GVQW3: variants seen among roughly 807,000 people sequenced by gnomAD.
GVQW3 encodes protein GVQW3.
In GVQW3, 7 loss-of-function variants were observed where a neutral mutation model predicts 12.5. That is an observed-to-expected ratio of 0.56 (90% CI 0.32 to 1.05). The LOEUF (loss-of-function observed/expected upper bound fraction) is 1.05. GVQW3 is among the 50% of genes least tolerant of loss of function. GVQW3 has a pLI of 0.04. For missense variants in GVQW3, 188 were observed against 190.8 expected (o/e 0.99, Z 0.09); for synonymous variants, 71 against 67.2 (o/e 1.06, Z -0.28).
At chr11:76,396,783 C>T (rs1946943609) in intron 1 of GVQW3, among the ~76,000 whole-genome samples, 1 of 152,144 alleles carries the variant, frequency 6.6e-6, no homozygotes, top group Admixed American at 6.5e-5. Context: ...GAACAGATTA[C>T]AGCATTCCAC....
In GVQW3 at chr11:76,385,618, GT is replaced by G. The variant is rs547149635; in HGVS notation, c.465+3329del. ...TCCTTGTATTGACCTTTGGGTCATGGTTTTCCACTTAACTTACAACTCTTCT... is the reference window on the plus strand; with the variant it reads ...TCCTTGTATTGACCTTTGGGTCATGGTTTCCACTTAACTTACAACTCTTCT... On this transcript the variant is annotated intron_variant, in intron 1 of 1. Transcript: ENST00000529331. 5.0e-4 allele frequency among the ~76,000 whole-genome samples: 76 copies of G among 152,262 alleles called. No individual in the cohort carries two copies. In the East Asian group the frequency reaches 0.014, roughly 27 times the overall value.
At chr11:76,400,656 G>A (rs994756579) in intron 1 of GVQW3, among the ~76,000 whole-genome samples, 6 of 152,102 alleles carry the variant, frequency 3.9e-5, no homozygotes, top group African/African-American at 1.4e-4. Flanking sequence ...CTGACCTCAG[G>A]TGATCCGCCC....
At chr11:76,403,632 A>G (rs1279748652) in intron 1 of GVQW3, 28 bp from the exon 2 acceptor site, 1 of 447,020 alleles carries the variant, frequency 2.2e-6, no homozygotes, top group Admixed American at 4.0e-5. Context: ...ACCATGCCCA[A>G]ATAATTTTTT....
At chr11:76,384,232 A>G (rs1946808369) in intron 1 of GVQW3, among the ~76,000 whole-genome samples, 2 of 152,236 alleles carry the variant, frequency 1.3e-5, no homozygotes, top group Admixed American at 6.5e-5. Flanking sequence ...TAGAGGCACA[A>G]CACTCATTCA....
At chr11:76,385,948 G>A (rs1438092885) in intron 1 of GVQW3, among the ~76,000 whole-genome samples, 2 of 152,174 alleles carry the variant, frequency 1.3e-5, no homozygotes, top group Non-Finnish European at 2.9e-5. Context: ...CCTAGCAACT[G>A]TATTTTCCCT....
At chr11:76,393,985 A>G (rs1946917237) in intron 1 of GVQW3, among the ~76,000 whole-genome samples, 2 of 151,748 alleles carry the variant, frequency 1.3e-5, no homozygotes, top group South Asian at 4.2e-4. Context: ...TGCAGCCTCC[A>G]CCTCCTGGGT....
chr11:76,391,175 C>T (rs1022618586), intron 1 of GVQW3, among the ~76,000 whole-genome samples: 23 of 152,200 alleles, frequency 1.5e-4, no homozygotes, highest in Non-Finnish European at 2.9e-5. Flanking sequence ...CAAAAGAATT[C>T]TTACAGTGGT....
At chr11:76,382,443 T>C (rs1472428349) in intron 1 of GVQW3, 150 bp downstream of exon 1, 1 of 688,562 alleles carries the variant, frequency 1.5e-6, no homozygotes, top group East Asian at 2.7e-5. Flanking sequence ...TAGCTGAGAA[T>C]TGGTTCACCC....
chr11:76,385,805 G>A (rs968372758), intron 1 of GVQW3, among the ~76,000 whole-genome samples: 1 of 152,138 alleles, frequency 6.6e-6, no homozygotes, highest in Admixed American at 6.6e-5. Flanking sequence ...AGGGACATGG[G>A]CACCTTAGCC....
chr11:76,398,949 A>G lies in GVQW3; in HGVS notation c.466-4711A>G, dbSNP rs115198472. 2.5e-3 allele frequency among the ~76,000 whole-genome samples: 375 copies of G among 152,222 alleles called. 3 individuals are homozygous for G. The highest frequency in any genetic ancestry group is 8.8e-3 in the African/African-American group (366 of 41,514). ...GTGCACACTTTGAAGATATTATCCT[A>G]CTGTCTCCTGGTTCTCATTGTTGCT... On this transcript the variant is annotated intron_variant, in intron 1 of 1. Transcript: ENST00000529331.
rs1362705668 is a variant in GVQW3, at chr11:76,381,779, T to A, written c.-50T>A. The A allele has an allele frequency of 4.8e-6, 7 of 1,451,662 alleles. No homozygotes were observed. The Admixed American group carries it at 1.0e-4, about 21-fold the overall frequency. The allele number at this position is 1,451,662 out of a possible 1,614,324, so 89.9% of individuals were successfully genotyped here. A position where few individuals can be genotyped will look rare whatever the true frequency, so the allele number is the denominator to read the frequency against. ...CTATAAAGATTGATCTGTCCGTCTT[T>A]CCCTTACAGTCGTGGCCTGTTAAAC... On this transcript the variant is annotated 5_prime_UTR_variant, in exon 1 of 2. Transcript: ENST00000529331.
chr11:76,400,177 A>G (rs1245272073), intron 1 of GVQW3, among the ~76,000 whole-genome samples: 2 of 150,900 alleles, frequency 1.3e-5, no homozygotes, highest in Admixed American at 6.6e-5. Context: ...CATTGGCGTG[A>G]TCTCTACTCA....
At chr11:76,398,533 G>A (rs565656136) in intron 1 of GVQW3, among the ~76,000 whole-genome samples, 8 of 152,066 alleles carry the variant, frequency 5.3e-5, no homozygotes, top group African/African-American at 1.7e-4. Context: ...GGGTGATCTC[G>A]AACTCCTGAG....
downstream of GVQW3, chr11:76,408,279 C>T (rs1157918821): frequency 2.6e-5 from 4 of 152,274 alleles, no homozygotes; most frequent in South Asian, 2.1e-4. Context: ...AAAGGATTAG[C>T]TCTGCCTGGG....
chr11:76,403,092 G>T (rs7109382), intron 1 of GVQW3, among the ~76,000 whole-genome samples: 141,958 of 151,944 alleles, frequency 0.93, 66,425 homozygotes, highest in African/African-American at 0.98. Flanking sequence ...GGATTACAGG[G>T]GCACGCCACC....
At chr11:76,386,227 C>T (rs1946832231) in intron 1 of GVQW3, among the ~76,000 whole-genome samples, 1 of 152,188 alleles carries the variant, frequency 6.6e-6, no homozygotes, top group Non-Finnish European at 1.5e-5. Context: ...CAATTCTCCC[C>T]TTCCATCACC....
intron 1 of GVQW3, among the ~76,000 whole-genome samples, chr11:76,398,478 A>T (rs560621367): frequency 6.6e-6 from 1 of 151,660 alleles, no homozygotes; most frequent in East Asian, 2.0e-4. Flanking sequence ...CGCCCAGCTA[A>T]TTTTTTGTAT....
chr11:76,386,596 C>G (rs1946836746), intron 1 of GVQW3, among the ~76,000 whole-genome samples: 1 of 152,178 alleles, frequency 6.6e-6, no homozygotes, highest in Admixed American at 6.5e-5. Context: ...TATTTGCAGA[C>G]ATCATCACCA....
At chr11:76,396,101 C>T (rs895111784) in intron 1 of GVQW3, among the ~76,000 whole-genome samples, 3 of 152,144 alleles carry the variant, frequency 2.0e-5, no homozygotes, top group Admixed American at 1.3e-4. Flanking sequence ...TATTTGGAAG[C>T]AATGTTGCCA....
Sources: gnomAD v4.1 joint callset for allele counts (sites outside exome capture counted in the v4.1 genomes callset) on GRCh38, gnomAD v4.1.1 for gene constraint, MANE v1.5 for transcripts, NCBI Gene and HGNC (gene_info 2026-07-23, HGNC 2026-07-21) for gene names.